Variants in GPC5 observed in about 807,000 individuals in gnomAD.
The protein encoded by GPC5 is glypican 5.
GPC5 carries 47 observed loss-of-function variants against 53.9 expected under a neutral mutation model. The observed-to-expected ratio is 0.87, with a 90% confidence interval of 0.69 to 1.11. The LOEUF (loss-of-function observed/expected upper bound fraction) is 1.11, where lower values mean the gene tolerates loss of function less well. Ranked by LOEUF, GPC5 falls within the 50% of genes most tolerant of loss-of-function variation. The pLI is 0.00. For missense variants in GPC5, 748 were observed against 713.1 expected (o/e 1.05, Z -0.56); for synonymous variants, 286 against 263.3 (o/e 1.09, Z -0.84).
chr13:92,386,846 C>G (rs1874751749), intron 7 of GPC5, among the ~76,000 whole-genome samples: 1 of 152,044 alleles, frequency 6.6e-6, no homozygotes, highest in Admixed American at 6.6e-5. Context: ...ATACTCTCTG[C>G]TATAGCCATC....
intron 5 of GPC5, among the ~76,000 whole-genome samples, chr13:91,831,365 A>G (rs1016695133): frequency 2.6e-5 from 4 of 151,816 alleles, no homozygotes; most frequent in Admixed American, 2.6e-4. Context: ...CCACCAGATT[A>G]AGGGTGGATC....
At chr13:91,901,601 C>G (rs2039497577) in intron 5 of GPC5, among the ~76,000 whole-genome samples, 1 of 152,090 alleles carries the variant, frequency 6.6e-6, no homozygotes, top group African/African-American at 2.4e-5. Context: ...TTACAAAAAC[C>G]AAATCTCTAG....
intron 7 of GPC5, among the ~76,000 whole-genome samples, chr13:92,288,712 T>G (rs1786331611): frequency 6.6e-6 from 1 of 152,214 alleles, no homozygotes; most frequent in African/African-American, 2.4e-5. Flanking sequence ...CCATGCCATC[T>G]TCTGTGATAC....
intron 6 of GPC5, among the ~76,000 whole-genome samples, chr13:92,052,827 AC>A (rs2041041570): frequency 6.6e-6 from 1 of 152,082 alleles, no homozygotes; most frequent in African/African-American, 2.4e-5. Flanking sequence ...TGCAAAGGAC[AC>A]CCCAAAGGGA....
chr13:92,710,583 TTAAGCAA>T (rs1335085925), intron 7 of GPC5, among the ~76,000 whole-genome samples: 1 of 152,192 alleles, frequency 6.6e-6, no homozygotes, highest in African/African-American at 2.4e-5. Flanking sequence ...GCATTGGATG[TTAAGCAA>T]TTAGGGAAGG....
intron 7 of GPC5, among the ~76,000 whole-genome samples, chr13:92,531,183 A>G (rs1881552047): frequency 6.6e-6 from 1 of 152,112 alleles, no homozygotes; most frequent in African/African-American, 2.4e-5. Flanking sequence ...CTGACAGTTG[A>G]TAAGTTAATG....
At chr13:92,465,161 A>C (rs1276885643) in intron 7 of GPC5, among the ~76,000 whole-genome samples, 5 of 152,170 alleles carry the variant, frequency 3.3e-5, no homozygotes, top group Middle Eastern at 3.4e-3. Flanking sequence ...AACTCTAAAC[A>C]AGCTTTTCAT....
intron 7 of GPC5, among the ~76,000 whole-genome samples, chr13:92,813,855 T>C (rs1877375015): frequency 6.6e-6 from 1 of 152,064 alleles, no homozygotes; most frequent in Admixed American, 6.6e-5. Flanking sequence ...ATTCAAGTCA[T>C]AATCTCCTTT....
chr13:91,576,063 T>G (rs972892590), intron 2 of GPC5, among the ~76,000 whole-genome samples: 3 of 152,068 alleles, frequency 2.0e-5, no homozygotes, highest in African/African-American at 4.8e-5. Flanking sequence ...ATATTGTCAG[T>G]CATAGCAGTG....
chr13:91,665,812 G>T (rs935176181), intron 2 of GPC5, among the ~76,000 whole-genome samples: 18 of 152,090 alleles, frequency 1.2e-4, no homozygotes, highest in Admixed American at 1.1e-3. Flanking sequence ...GCCAAAGACA[G>T]TCATTTGAGT....
chr13:91,843,802 G>A (rs2038817798), intron 5 of GPC5, among the ~76,000 whole-genome samples: 2 of 152,134 alleles, frequency 1.3e-5, no homozygotes, highest in African/African-American at 4.8e-5. Flanking sequence ...AGAAAAGGGG[G>A]AAACAGCTGC....
At chr13:92,064,140 C>T (rs9523498) in intron 6 of GPC5, among the ~76,000 whole-genome samples, 86,156 of 151,868 alleles carry the variant, frequency 0.57, 24,758 homozygotes, top group East Asian at 0.79. Context: ...TACAAAACTA[C>T]TTCAGCAGTG....
chr13:91,562,381 C>T (rs1447421918), intron 2 of GPC5, among the ~76,000 whole-genome samples: 1 of 151,830 alleles, frequency 6.6e-6, no homozygotes, highest in East Asian at 1.9e-4. Flanking sequence ...GGGAGTTCTC[C>T]AAATATTTAG....
At chr13:91,439,967 TCTC>T (rs1880298845) in intron 1 of GPC5, among the ~76,000 whole-genome samples, 1 of 152,188 alleles carries the variant, frequency 6.6e-6, no homozygotes, top group Non-Finnish European at 1.5e-5. Context: ...ACCAACCTCA[TCTC>T]CTGTTTTTTC....
intron 2 of GPC5, among the ~76,000 whole-genome samples, chr13:91,609,867 AC>A (rs1347519515): frequency 1.2e-4 from 19 of 152,338 alleles, no homozygotes; most frequent in African/African-American, 4.3e-4. Context: ...TCAGGATGTT[AC>A]ATTATCAGTA....
intron 7 of GPC5, among the ~76,000 whole-genome samples, chr13:92,336,375 C>T (rs993073549): frequency 1.3e-5 from 2 of 152,132 alleles, no homozygotes; most frequent in African/African-American, 4.8e-5. Flanking sequence ...TGAACACACA[C>T]ATACATTGTA....
intron 6 of GPC5, among the ~76,000 whole-genome samples, chr13:92,083,610 A>T (rs184245569): frequency 6.6e-6 from 1 of 152,190 alleles, no homozygotes; most frequent in African/African-American, 2.4e-5. Flanking sequence ...TTATGTTTTT[A>T]TTACCAAAAT....
chr13:92,456,833 C>T (rs995942006), intron 7 of GPC5, among the ~76,000 whole-genome samples: 3 of 152,280 alleles, frequency 2.0e-5, no homozygotes, highest in East Asian at 1.9e-4. Flanking sequence ...TTAGACTAGA[C>T]TGGATAATGT....
At chr13:92,517,773 C>T (rs990919620) in intron 7 of GPC5, among the ~76,000 whole-genome samples, 4 of 152,174 alleles carry the variant, frequency 2.6e-5, no homozygotes, top group African/African-American at 9.7e-5. Flanking sequence ...ATCAGAGCAC[C>T]TCTCCCCCTC....
Sources: allele counts gnomAD v4.1 joint callset (sites outside exome capture counted in the v4.1 genomes callset), GRCh38; gene constraint gnomAD v4.1.1; transcripts MANE v1.5; gene names NCBI Gene and HGNC (gene_info 2026-07-23, HGNC 2026-07-21).